The following TEP1 variants were observed in gnomAD, a reference collection of about 807,000 sequenced individuals.
TEP1 encodes telomerase associated protein 1.
Under a neutral mutation model 306.3 loss-of-function variants are expected in TEP1, and 241 were observed. That is an observed-to-expected ratio of 0.79 (90% CI 0.71 to 0.88). The LOEUF (loss-of-function observed/expected upper bound fraction) is 0.88, where lower values mean the gene tolerates loss of function less well. TEP1 is among the 40% of genes least tolerant of loss of function. The pLI is 0.00. For synonymous variants in TEP1, 1,289 were observed against 1,305.5 expected (o/e 0.99, Z 0.27); for missense variants, 3,051 against 3,276.1 (o/e 0.93, Z 1.68).
Position 20,390,744 on chromosome 14 carries a change from A to G in TEP1, c.2271T>C (p.Asn757=). ...LQAQVQEFDE[N]DGWSLNTFGK... is the part of the protein sequence containing the mutation. ...CAAAAGTATTCAGGGACCATCCATC[A>G]TTTTCATCAAACTCCTGAAGGAAAG... The change falls in exon 15 of 55, where the codon AAT becomes AAC. Residue 757 remains asparagine (N), a synonymous_variant. Transcript: ENST00000262715. 1 of 1,614,142 alleles carries G rather than the reference A, an allele frequency of 6.2e-7. No individual in the cohort carries two copies. Among genetic ancestry groups the G allele is most frequent in the Non-Finnish European group, 8.5e-7 (1 of 1,180,026 alleles).
rs747331834 is a variant in TEP1 at position 20,381,221 on chromosome 14, C to T, written c.4647+92G>A. ...GGGAGTTTGGGAGGGGTAATGGCGGCGGTGATGGTGGAGATGGTAACGGGG... is the reference window on the plus strand; with the variant it reads ...GGGAGTTTGGGAGGGGTAATGGCGGTGGTGATGGTGGAGATGGTAACGGGG... On this transcript the variant is annotated intron_variant, in intron 32 of 54. Transcript: ENST00000262715. The surrounding 1 kb of genome is among the most constrained non-coding windows in gnomAD (Gnocchi z 4.0). The T allele has an allele frequency of 1.5e-5, 20 of 1,361,830 alleles. No individual in the cohort carries two copies. The highest frequency in any genetic ancestry group is 6.9e-5 in the East Asian group (3 of 43,530). The allele number at this position is 1,361,830 out of a possible 1,614,324, so 84.4% of individuals were successfully genotyped here.
chr14:20,382,745 C>T (rs1876702926), intron 27 of TEP1, 30 bp from the exon 28 acceptor site: 2 of 1,609,496 alleles, frequency 1.2e-6, no homozygotes, highest in Admixed American at 1.7e-5. Flanking sequence ...AGGGTGGGGT[C>T]CAGGAGGGCT....
chr14:20,410,599 C>CTTTTTTTTTTT (rs35446613), intron 1 of TEP1, among the ~76,000 whole-genome samples: 5 of 138,816 alleles, frequency 3.6e-5, no homozygotes, highest in Admixed American at 1.5e-4. Context: ...ATTTTTTTTT[C>CTTTTTTTTTTT]TTTTTTTTTT....
In TEP1 at chr14:20,367,568, T is replaced by G. The variant is rs1267124034; in HGVS notation, c.*869A>C. On this transcript the variant is annotated 3_prime_UTR_variant, in exon 55 of 55. Coordinates refer to ENST00000262715, the MANE Select transcript of TEP1 (RefSeq NM_007110.5). The stretch of plus-strand genomic sequence containing the variant: ...CAGAAGTTGGGAAAACCAGAAGGTT[T>G]GTTCCGCTTTCAATGGCTTGGCTCC... 1.3e-5 allele frequency: 2 copies of G among 151,968 alleles called. No individual in the cohort carries two copies. The highest frequency in any genetic ancestry group is 2.9e-5 in the Non-Finnish European group (2 of 68,032). 9.4% of individuals were successfully genotyped at this position (151,968 alleles called of 1,614,324 possible).
rs1382382350 is a variant in TEP1 at position 20,382,319 on chromosome 14, G to A, written c.4178C>T (p.Pro1393Leu). The A allele has an allele frequency of 6.2e-7, 1 of 1,613,570 alleles. No individual in the cohort carries two copies. Among genetic ancestry groups the A allele is most frequent in the Non-Finnish European group, 8.5e-7 (1 of 1,179,738 alleles). ...ERLRTLPATV[P>L]LLLQHILSTL... is the part of the protein sequence containing the mutation. The stretch of plus-strand genomic sequence containing the variant: ...GCTCAGGATGTGCTGCAGCAGCAGG[G>A]GGACAGTGGCAGGCAGGGTCCGGAG... The change falls in exon 29 of 55, where the codon CCC (proline) becomes CTC (leucine). Residue 1393 changes from proline to leucine, a missense_variant. Around this residue, in one of 3 missense-constraint regions of TEP1, gnomAD observed 1,540 missense variants for 1,705.9 expected, o/e 0.90. Coordinates refer to ENST00000262715, the MANE Select transcript of TEP1 (RefSeq NM_007110.5).
Position 20,373,667 on chromosome 14 carries a change from C to T in TEP1, c.6604+11G>A, listed in dbSNP as rs767100832. The T allele has an allele frequency of 2.9e-5, 47 of 1,614,006 alleles. No homozygotes were observed. In the Admixed American group the frequency reaches 3.7e-4, roughly 13 times the overall value. On this transcript the variant is annotated intron_variant, in intron 45 of 54. Transcript: ENST00000262715. ...ACAGCAGGGAAGGGGAGGTGGCTGACGTTTTGTTACCTGCACGGGGCTCCA... is the reference window on the plus strand; with the variant it reads ...ACAGCAGGGAAGGGGAGGTGGCTGATGTTTTGTTACCTGCACGGGGCTCCA...
chr14:20,392,943 G>A (rs1334870428), intron 12 of TEP1, among the ~76,000 whole-genome samples: 2 of 152,184 alleles, frequency 1.3e-5, no homozygotes, highest in Admixed American at 1.3e-4. Flanking sequence ...TGTAAGCCGG[G>A]CACGGTGGCT....
At chr14:20,388,092 T>G in intron 17 of TEP1, 29 bp from the exon 18 acceptor site, 1 of 1,612,306 alleles carries the variant, frequency 6.2e-7, no homozygotes, top group Non-Finnish European at 8.5e-7. Flanking sequence ...TAAATGAGAG[T>G]AGAATACCAC....
At chr14:20,404,025 G>T in intron 5 of TEP1, 141 bp from the exon 6 acceptor site, 2 of 1,179,330 alleles carry the variant, frequency 1.7e-6, no homozygotes, top group Non-Finnish European at 2.4e-6. Context: ...CACAATTTCT[G>T]TGGTACTGAT....
chr14:20,381,771 CT>C lies in TEP1; in HGVS notation c.4425-86del. On this transcript the variant is annotated intron_variant, in intron 30 of 54. Coordinates refer to ENST00000262715, the MANE Select transcript of TEP1 (RefSeq NM_007110.5). The surrounding 1 kb of genome is among the most constrained non-coding windows in gnomAD (Gnocchi z 4.0). The stretch of plus-strand genomic sequence containing the variant: ...GCACACAGTGGGCTCCTATTCCCCC[CT>C]CAAATAGCGGAAACTGGAGCAGCTG... 6.5e-7 allele frequency: 1 copy of C among 1,533,336 alleles called. No individual in the cohort carries two copies. Among genetic ancestry groups the C allele is most frequent in the South Asian group, 1.3e-5 (1 of 77,704 alleles). 95.0% of individuals were successfully genotyped at this position (1,533,336 alleles called of 1,614,324 possible).
rs1403886678 is a variant in TEP1 at position 20,383,472 on chromosome 14, T to G, written c.3867+16A>C. The G allele has an allele frequency of 6.2e-7, 1 of 1,614,066 alleles. No homozygotes were observed. The highest frequency in any genetic ancestry group is 1.7e-5 in the Admixed American group (1 of 60,018). On this transcript the variant is annotated intron_variant, in intron 26 of 54. Coordinates refer to ENST00000262715, the MANE Select transcript of TEP1 (RefSeq NM_007110.5). The stretch of plus-strand genomic sequence containing the variant: ...CCCAGCCTGCCTCCCGACACCCACC[T>G]CCTTCTCACACTCACCCGGGGAAGC...
chr14:20,386,826 G>C (rs921289564), intron 18 of TEP1, among the ~76,000 whole-genome samples: 4 of 152,064 alleles, frequency 2.6e-5, no homozygotes, highest in African/African-American at 9.7e-5. Flanking sequence ...GCTATTTCTT[G>C]TACACCTCTC....
chr14:20,409,324 T>C (rs1023002663), intron 1 of TEP1, among the ~76,000 whole-genome samples: 24 of 152,224 alleles, frequency 1.6e-4, no homozygotes, highest in Admixed American at 1.6e-3. Context: ...TGCCATTTCT[T>C]AACATCAATG....
chr14:20,381,362 G>A lies in TEP1; in HGVS notation c.4598C>T (p.Thr1533Ile). ...AGCCTCAGGAGGGCAACTTCGGAAG[G>A]TGCCTGAGGCATCAGCGTCACATGT... The part of the protein sequence containing the change: ...WKTCDADASG[T>I]FRSCPPEALG... The change falls in exon 32 of 55, where the codon ACC (threonine) becomes ATC (isoleucine). Residue 1533 changes from threonine (T) to isoleucine (I), a missense_variant. Thr to Ile is a moderately conservative substitution (Grantham distance 89, BLOSUM62 -1). Coordinates refer to ENST00000262715, the MANE Select transcript of TEP1 (RefSeq NM_007110.5). The surrounding 1 kb of genome is among the most constrained non-coding windows in gnomAD (Gnocchi z 4.0). 1.9e-6 allele frequency: 3 copies of A among 1,614,206 alleles called. No homozygotes were observed. Among genetic ancestry groups the A allele is most frequent in the South Asian group, 2.2e-5 (2 of 91,090 alleles).
intron 46 of TEP1, 40 bp from the exon 47 acceptor site, chr14:20,373,442 A>G (rs1362991541): frequency 1.2e-6 from 2 of 1,613,954 alleles, no homozygotes; most frequent in African/African-American, 1.3e-5. Flanking sequence ...GAGAGTGGGC[A>G]CAACAGAAGG....
At position 20,388,078 on chromosome 14, in the gene TEP1, A is replaced by C. The variant is rs770745299; in HGVS notation, c.2526-15T>G. 7 of 1,613,766 alleles carry C rather than the reference A, an allele frequency of 4.3e-6. No individual in the cohort carries two copies. The highest frequency in any genetic ancestry group is 5.9e-6 in the Non-Finnish European group (7 of 1,179,854). Reference sequence around the variant, plus strand: ...CTGCAATGAACCTGACATAAATAACAAGATAAATGAGAGTAGAATACCACA... The same window carrying C: ...CTGCAATGAACCTGACATAAATAACCAGATAAATGAGAGTAGAATACCACA... On this transcript the variant is annotated splice_polypyrimidine_tract_variant and intron_variant, in intron 17 of 54. Coordinates refer to ENST00000262715, the MANE Select transcript of TEP1 (RefSeq NM_007110.5).
rs143286405 is a variant in TEP1, at chr14:20,379,990, T to C, written c.5067A>G (p.Gln1689=). ...CATTGGCAGTGCCCACAGCTGCTCT[T>C]TGCCCATTGGTGGAGAAGGCCACAG... ...PTAVAFSTNG[Q]RAAVGTANGT... is the part of the protein sequence containing the mutation. The change falls in exon 35 of 55, where the codon CAA becomes CAG. Residue 1689 remains glutamine, a synonymous_variant. Transcript: ENST00000262715. 16 of 1,614,020 alleles carry C rather than the reference T, an allele frequency of 9.9e-6. No individual in the cohort carries two copies. The African/African-American group carries it at 1.6e-4, about 16-fold the overall frequency.
At chr14:20,391,312 G>A (rs186914100) in intron 13 of TEP1, among the ~76,000 whole-genome samples, 31 of 152,306 alleles carry the variant, frequency 2.0e-4, no homozygotes, top group Admixed American at 1.5e-3. Context: ...GTTCAACACC[G>A]GGATGTAGTG....
In TEP1 at chr14:20,379,072, T is replaced by A; in HGVS notation, c.5161A>T (p.Ile1721Phe). The stretch of plus-strand genomic sequence containing the variant: ...TCGGAGAGGAACAAACAAGCAGAGA[T>A]TCCATCACAGCCACTCACCACAGAC... ...EKSVVSGCDG[I>F]SACLFLSDDT... Residue 1721 changes from isoleucine (I) to phenylalanine (F), a missense_variant, in exon 36 of 55, where the codon ATC becomes TTC. Coordinates refer to ENST00000262715, the MANE Select transcript of TEP1 (RefSeq NM_007110.5). The A allele has an allele frequency of 6.2e-7, 1 of 1,614,084 alleles. No individual in the cohort carries two copies. Among genetic ancestry groups the A allele is most frequent in the African/African-American group, 1.3e-5 (1 of 75,026 alleles).
Sources: gnomAD v4.1 joint callset for allele counts (sites outside exome capture counted in the v4.1 genomes callset) on GRCh38, gnomAD v4.1.1 for gene constraint, gnomAD v4.1.1 regional missense constraint, Gnocchi (gnomAD v3.1) non-coding constraint, MANE v1.5 for transcripts, NCBI Gene and HGNC (gene_info 2026-07-23, HGNC 2026-07-21) for gene names.